Variants in MED13L observed in about 807,000 individuals in gnomAD.
The protein encoded by MED13L is mediator of RNA polymerase II transcription subunit 13-like.
Under a neutral mutation model 220.9 loss-of-function variants are expected in MED13L, and 7 were observed. The observed-to-expected ratio is 0.03, with a 90% CI of 0.02 to 0.06. The LOEUF (loss-of-function observed/expected upper bound fraction) is 0.06. Among genes scored for constraint, MED13L ranks in the 10% least tolerant of loss-of-function variants. The pLI is 1.00. For synonymous variants in MED13L, 1,011 were observed against 1,015.2 expected, an observed-to-expected ratio of 1.00 and a Z score of 0.08; for missense variants, 1,965 against 2,760.5, an observed-to-expected ratio of 0.71 and a Z score of 6.46.
intron 9 of MED13L, among the ~76,000 whole-genome samples, chr12:116,009,992 T>TAAC (rs967000172): frequency 1.3e-5 from 2 of 152,208 alleles, no homozygotes; most frequent in Admixed American, 1.3e-4. Context: ...GGTGTAGTAG[T>TAAC]AACTCTCTGA....
chr12:116,269,809 T>A (rs1204227587), intron 1 of MED13L, among the ~76,000 whole-genome samples: 3 of 152,190 alleles, frequency 2.0e-5, no homozygotes, highest in Non-Finnish European at 2.9e-5. Context: ...TACACCACAA[T>A]TCATCTAGAA....
rs556778491 is a variant in MED13L at position 116,259,250 on chromosome 12, C to G, written c.72+17810G>C. On this transcript the variant is annotated intron_variant, in intron 1 of 30. Transcript: ENST00000281928. Reference sequence around the variant, plus strand: ...AAAAATACTTGAAGACAATGTTAAGCGGAAAAAGCACATTGCAGGAAAAGG... The same window carrying G: ...AAAAATACTTGAAGACAATGTTAAGGGGAAAAAGCACATTGCAGGAAAAGG... Among the ~76,000 whole-genome samples the G allele has an allele frequency of 5.3e-5, 8 of 152,086 alleles. No individual in the cohort carries two copies. The South Asian group carries it at 1.7e-3, about 32-fold the overall frequency.
rs1387858676 is a variant in MED13L at position 116,025,223 on chromosome 12, CAG to C, written c.480-2624_480-2623del. On this transcript the variant is annotated intron_variant, in intron 4 of 30. Coordinates refer to ENST00000281928, the MANE Select transcript of MED13L (RefSeq NM_015335.5). ...AAAATGGACATCATCAAAAAGATAA[CAG>C]ATAACAAGTGTTGGCAAGGATGCAA... Among the ~76,000 whole-genome samples, 5 of 152,236 alleles carry C rather than the reference CAG, an allele frequency of 3.3e-5. No homozygotes were observed. The East Asian group carries it at 9.7e-4, about 29-fold the overall frequency.
At chr12:116,139,796 C>T (rs1354248573) in intron 2 of MED13L, among the ~76,000 whole-genome samples, 1 of 151,744 alleles carries the variant, frequency 6.6e-6, no homozygotes, top group East Asian at 1.9e-4. Flanking sequence ...ATGGTGAAAC[C>T]CCATCTCTAC....
intron 14 of MED13L, among the ~76,000 whole-genome samples, chr12:115,997,508 G>A (rs1878480819): frequency 6.6e-6 from 1 of 152,186 alleles, no homozygotes; most frequent in African/African-American, 2.4e-5. Flanking sequence ...TGTAACCTCT[G>A]CCTTCCTCGT....
At chr12:116,038,721 C>CTTTACCTA (rs1881336079) in intron 4 of MED13L, among the ~76,000 whole-genome samples, 1 of 110,648 alleles carries the variant, frequency 9.0e-6, no homozygotes, top group African/African-American at 3.7e-5. Context: ...GCAAGCAGGA[C>CTTTACCTA]TTTACCTATG....
At position 116,226,090 on chromosome 12, in the gene MED13L, T is replaced by C. The variant is rs543577896; in HGVS notation, c.310+11378A>G. ...TTTTTTTTTTTTTAAATCAAGCCAGTTCTGCTGCATGATTAACTGTTTACT... is the reference window on the plus strand; with the variant it reads ...TTTTTTTTTTTTTAAATCAAGCCAGCTCTGCTGCATGATTAACTGTTTACT... On this transcript the variant is annotated intron_variant, in intron 2 of 30. Transcript: ENST00000281928. Among the ~76,000 whole-genome samples, 454 of 151,346 alleles carry C rather than the reference T, an allele frequency of 3.0e-3. 1 individual carries two copies. The highest frequency in any genetic ancestry group is 4.3e-3 in the Non-Finnish European group (292 of 67,844).
chr12:116,258,500 G>C (rs1178790607), intron 1 of MED13L, among the ~76,000 whole-genome samples: 1 of 152,088 alleles, frequency 6.6e-6, no homozygotes, highest in Non-Finnish European at 1.5e-5. Context: ...AGAACGGCCG[G>C]ACACGGTAGC....
chr12:115,980,052 T>G (rs1877216714), intron 23 of MED13L, among the ~76,000 whole-genome samples: 1 of 152,160 alleles, frequency 6.6e-6, no homozygotes, highest in Non-Finnish European at 1.5e-5. Context: ...GAGGGACCCC[T>G]GCAGAGTAAA....
At chr12:116,221,171 T>G (rs1868402800) in intron 2 of MED13L, among the ~76,000 whole-genome samples, 1 of 151,988 alleles carries the variant, frequency 6.6e-6, no homozygotes, top group African/African-American at 2.4e-5. Context: ...GCCCAGGAGT[T>G]CAAGACCAAT....
chr12:116,135,985 C>A (rs1876517324), intron 2 of MED13L, among the ~76,000 whole-genome samples: 1 of 151,404 alleles, frequency 6.6e-6, no homozygotes. Context: ...CTCACTGCAA[C>A]CTCCGCCTCC....
At chr12:116,088,764 A>G (rs1871940317) in intron 4 of MED13L, among the ~76,000 whole-genome samples, 1 of 151,778 alleles carries the variant, frequency 6.6e-6, no homozygotes, top group Non-Finnish European at 1.5e-5. Flanking sequence ...GGGGAGACCA[A>G]AATTCAGCCA....
intron 1 of MED13L, among the ~76,000 whole-genome samples, chr12:116,264,782 C>T (rs1166983871): frequency 1.3e-5 from 2 of 152,108 alleles, no homozygotes; most frequent in Non-Finnish European, 2.9e-5. Context: ...CAGGCTCTTA[C>T]CCTCCCCTAC....
At chr12:116,031,640 AGG>A (rs1318380111) in intron 4 of MED13L, among the ~76,000 whole-genome samples, 5 of 17,032 alleles carry the variant, frequency 2.9e-4, no homozygotes, top group East Asian at 4.5e-3. Context: ...AGGGGAGGGG[AGG>A]GGGGACGGGA....
intron 2 of MED13L, among the ~76,000 whole-genome samples, chr12:116,129,964 T>G (rs1175457355): frequency 6.6e-6 from 1 of 151,064 alleles, no homozygotes; most frequent in Non-Finnish European, 1.5e-5. Flanking sequence ...TCAGCACATA[T>G]CCATTTACCT....
chr12:116,195,592 C>T (rs1233904959), intron 2 of MED13L, among the ~76,000 whole-genome samples: 1 of 152,046 alleles, frequency 6.6e-6, no homozygotes, highest in Non-Finnish European at 1.5e-5. Context: ...GCTGAGATTA[C>T]AGGTGTGCGC....
intron 2 of MED13L, among the ~76,000 whole-genome samples, chr12:116,219,871 C>T (rs1883209451): frequency 6.6e-6 from 1 of 152,158 alleles, no homozygotes; most frequent in South Asian, 2.1e-4. Context: ...CATCTCGGCT[C>T]ACTGCAACCT....
In MED13L at chr12:115,980,505, G is replaced by T. The variant is rs1287294263; in HGVS notation, c.5364+245C>A. ...CTGGATAATTTTTAAAAGAAAATTT[G>T]TAGAGATGGGGTCTTGCTATGTTGC... On this transcript the variant is annotated intron_variant, in intron 23 of 30. Transcript: ENST00000281928. 5.6e-6 allele frequency: 3 copies of T among 536,294 alleles called. No homozygotes were observed. In the African/African-American group the frequency reaches 5.7e-5, roughly 10 times the overall value. 33.2% of individuals were successfully genotyped at this position (536,294 alleles called of 1,614,324 possible).
intron 2 of MED13L, among the ~76,000 whole-genome samples, chr12:116,148,887 C>A (rs1052226683): frequency 2.6e-5 from 4 of 152,166 alleles, no homozygotes; most frequent in African/African-American, 7.2e-5. Flanking sequence ...TCCACTCTTA[C>A]CACTTTCTGT....
Sources: allele counts gnomAD v4.1 joint callset (sites outside exome capture counted in the v4.1 genomes callset), GRCh38; gene constraint gnomAD v4.1.1; transcripts MANE v1.5; gene names NCBI Gene and HGNC (gene_info 2026-07-23, HGNC 2026-07-21).